Variants in NTRK3 observed in about 807,000 individuals in gnomAD.
The protein encoded by NTRK3 is NT-3 growth factor receptor.
In NTRK3, 24 loss-of-function variants were observed where a neutral mutation model predicts 91.7. The observed-to-expected ratio is 0.26, with a 90% CI of 0.19 to 0.37. NTRK3 has a LOEUF of 0.37. Among genes scored for constraint, NTRK3 ranks in the 10% least tolerant of loss-of-function variants. The probability of loss-of-function intolerance (pLI) is 1.00; values close to 1 mark genes in which losing one functional copy is unlikely to be tolerated. For synonymous variants in NTRK3, 483 were observed against 404.0 expected, an observed-to-expected ratio of 1.20 and a Z score of -2.34; for missense variants, 880 against 1,068.9, an observed-to-expected ratio of 0.82 and a Z score of 2.46.
intron 13 of NTRK3, among the ~76,000 whole-genome samples, chr15:88,055,291 G>T (rs955073252): frequency 6.6e-5 from 10 of 152,242 alleles, no homozygotes; most frequent in African/African-American, 2.4e-4. Context: ...GGAGTAGACA[G>T]ATGGGGACAT....
At chr15:88,226,969 T>C (rs2050728641) in intron 3 of NTRK3, among the ~76,000 whole-genome samples, 1 of 152,332 alleles carries the variant, frequency 6.6e-6, no homozygotes, top group Non-Finnish European at 1.5e-5. Context: ...CCACTTTATG[T>C]ATGCATCTGC....
chr15:88,153,266 G>C (rs976675794), intron 5 of NTRK3, among the ~76,000 whole-genome samples: 2 of 151,760 alleles, frequency 1.3e-5, no homozygotes, highest in African/African-American at 4.8e-5. Context: ...TTTTGAGATG[G>C]AGTTTCACTC....
At chr15:87,973,010 C>A (rs1227138494) in intron 14 of NTRK3, among the ~76,000 whole-genome samples, 1 of 152,186 alleles carries the variant, frequency 6.6e-6, no homozygotes, top group Non-Finnish European at 1.5e-5. Flanking sequence ...AAAGGTTTGC[C>A]TCTGATATCT....
intron 5 of NTRK3, among the ~76,000 whole-genome samples, chr15:88,166,320 C>T (rs1293450499): frequency 6.6e-6 from 1 of 152,214 alleles, no homozygotes; most frequent in Non-Finnish European, 1.5e-5. Flanking sequence ...GGGTCTAGAT[C>T]CCAGCAGGAG....
At chr15:87,861,262 C>T (rs570317998) in exon 19 of NTRK3, 1 of 218,202 alleles carries the variant, frequency 4.6e-6, no homozygotes, top group African/African-American at 2.2e-5. Flanking sequence ...TACAACAGTA[C>T]CTAAACTTCA....
At chr15:87,901,264 C>T (rs957839275) in intron 17 of NTRK3, among the ~76,000 whole-genome samples, 1 of 152,190 alleles carries the variant, frequency 6.6e-6, no homozygotes, top group Non-Finnish European at 1.5e-5. Context: ...AATGTGAAGC[C>T]AGAAATCACA....
intron 16 of NTRK3, chr15:87,931,184 C>A (rs573621998): frequency 7.7e-6 from 4 of 517,020 alleles, no homozygotes; most frequent in African/African-American, 3.8e-5. Context: ...AGTGCAGAGG[C>A]ACCTAGGAGC....
intron 14 of NTRK3, among the ~76,000 whole-genome samples, chr15:88,001,167 A>T (rs887034332): frequency 6.6e-6 from 1 of 152,014 alleles, no homozygotes; most frequent in African/African-American, 2.4e-5. Flanking sequence ...GTCTATTCAA[A>T]CCATTTGCCC....
In NTRK3 at chr15:88,169,305, G is replaced by A. The variant is rs1430300400; in HGVS notation, c.395+14113C>T. ...TAATCAGCCTCCTTGCAGAGTGCAT[G>A]GAACACATGTAGAATGGTTCAGAGT... On this transcript the variant is annotated intron_variant, in intron 5 of 18. Transcript: ENST00000394480. 7.2e-5 allele frequency among the ~76,000 whole-genome samples: 11 copies of A among 152,176 alleles called. No individual in the cohort carries two copies. The East Asian group carries it at 2.1e-3, about 29-fold the overall frequency.
At chr15:87,916,762 C>T (rs144272129) in intron 17 of NTRK3, among the ~76,000 whole-genome samples, 1 of 151,048 alleles carries the variant, frequency 6.6e-6, no homozygotes, top group African/African-American at 2.4e-5. Context: ...ATGAAAAGCA[C>T]AAGGCTTTTT....
chr15:87,940,162 A>G (rs1192984549), intron 15 of NTRK3, among the ~76,000 whole-genome samples: 4 of 150,804 alleles, frequency 2.7e-5, no homozygotes, highest in Admixed American at 6.6e-5. Context: ...CCCTCCCTCA[A>G]CATCTATTCT....
At chr15:88,032,757 T>TAGC in intron 14 of NTRK3, 100 bp downstream of exon 14, 1 of 1,320,086 alleles carries the variant, frequency 7.6e-7, no homozygotes, top group Non-Finnish European at 1.1e-6. Flanking sequence ...GGTTGGCAGG[T>TAGC]AGCAGGTCAC....
chr15:87,986,111 C>A (rs2074755125), intron 14 of NTRK3, among the ~76,000 whole-genome samples: 2 of 152,150 alleles, frequency 1.3e-5, no homozygotes, highest in South Asian at 4.1e-4. Flanking sequence ...AAATAAGGAA[C>A]AATTTGTAAT....
intron 17 of NTRK3, chr15:87,927,304 A>G (rs2068400433): frequency 6.6e-6 from 1 of 152,204 alleles, no homozygotes; most frequent in Non-Finnish European, 1.5e-5. Context: ...TTTCTCAAAC[A>G]TTCCATTTTT....
At chr15:88,125,557 T>G (rs1412056627) in intron 13 of NTRK3, among the ~76,000 whole-genome samples, 3 of 138,258 alleles carry the variant, frequency 2.2e-5, no homozygotes. Flanking sequence ...GTTTTGGAAC[T>G]GGTACCCAGC....
intron 17 of NTRK3, among the ~76,000 whole-genome samples, chr15:87,911,118 C>T (rs894701995): frequency 6.6e-6 from 1 of 151,986 alleles, no homozygotes; most frequent in Admixed American, 6.5e-5. Flanking sequence ...GCCTTCAGAG[C>T]AAGATAAACA....
At chr15:88,133,416 TCTC>T (rs1283730604) in intron 10 of NTRK3, among the ~76,000 whole-genome samples, 1 of 152,060 alleles carries the variant, frequency 6.6e-6, no homozygotes, top group African/African-American at 2.4e-5. Context: ...CAGAGTGTCT[TCTC>T]CTCCCTCCTG....
chr15:87,892,635 A>G (rs968458462), intron 17 of NTRK3, among the ~76,000 whole-genome samples: 4 of 152,080 alleles, frequency 2.6e-5, no homozygotes, highest in Admixed American at 2.6e-4. Context: ...TTAATTTCCA[A>G]TTTCTGTGTA....
chr15:87,960,751 C>G (rs1263451312), intron 14 of NTRK3, among the ~76,000 whole-genome samples: 1 of 152,154 alleles, frequency 6.6e-6, no homozygotes, highest in African/African-American at 2.4e-5. Context: ...TCCAAAAGTG[C>G]TGGGATTTCA....
Sources: gnomAD v4.1 joint callset for allele counts (sites outside exome capture counted in the v4.1 genomes callset) on GRCh38, gnomAD v4.1.1 for gene constraint, MANE v1.5 for transcripts, NCBI Gene and HGNC (gene_info 2026-07-23, HGNC 2026-07-21) for gene names.